The following WDFY4 variants were observed in gnomAD, a reference collection of about 807,000 sequenced individuals.
The protein encoded by WDFY4 is WD repeat- and FYVE domain-containing protein 4.
Under a neutral mutation model 351.9 loss-of-function variants are expected in WDFY4, and 169 were observed. That is an observed-to-expected ratio of 0.48 (90% CI 0.42 to 0.55). WDFY4 has a LOEUF of 0.55. Among genes scored for constraint, WDFY4 ranks in the 20% least tolerant of loss-of-function variants. WDFY4 has a pLI of 0.00. For synonymous variants in WDFY4, 1,622 were observed against 1,574.6 expected (o/e 1.03, Z -0.71); for missense variants, 3,803 against 3,935.6 (o/e 0.97, Z 0.90).
In WDFY4 at chr10:48,917,356, C is replaced by T. The variant is rs185645345; in HGVS notation, c.7586+15493C>T. ...CATTTGAAGGAAAAATGGCTGAAAA[C>T]TTCCAACAGTGATGAAAAAGATAAA... On this transcript the variant is annotated intron_variant, in intron 47 of 61. Coordinates refer to ENST00000325239, the MANE Select transcript of WDFY4 (RefSeq NM_001394531.1). Among the ~76,000 whole-genome samples the T allele has an allele frequency of 1.4e-4, 22 of 152,282 alleles. No homozygotes were observed. The East Asian group carries it at 4.2e-3, about 29-fold the overall frequency.
At chr10:48,725,510 A>G (rs2064239657) in intron 5 of WDFY4, among the ~76,000 whole-genome samples, 1 of 152,204 alleles carries the variant, frequency 6.6e-6, no homozygotes, top group Non-Finnish European at 1.5e-5. Context: ...GTCAACAAGG[A>G]ATTCTGAAAC....
chr10:48,979,292 C>T (rs1377188994), intron 60 of WDFY4, among the ~76,000 whole-genome samples: 1 of 152,184 alleles, frequency 6.6e-6, no homozygotes, highest in Non-Finnish European at 1.5e-5. Flanking sequence ...GAAGTGTGTG[C>T]ATTCTAAGGA....
At chr10:48,957,095 G>A in intron 51 of WDFY4, 34 bp from the exon 52 acceptor site, 1 of 1,538,252 alleles carries the variant, frequency 6.5e-7, no homozygotes, top group South Asian at 1.2e-5. Flanking sequence ...GTGCCAGTGA[G>A]AGCGGCTGGT....
chr10:48,692,828 T>A (rs576664554), intron 1 of WDFY4, among the ~76,000 whole-genome samples: 1 of 152,358 alleles, frequency 6.6e-6, no homozygotes, highest in East Asian at 1.9e-4. Flanking sequence ...TTGTAATTAC[T>A]GAGATCGTAT....
At chr10:48,769,438 T>C (rs544517385) in intron 13 of WDFY4, among the ~76,000 whole-genome samples, 27 of 152,346 alleles carry the variant, frequency 1.8e-4, no homozygotes, top group Non-Finnish European at 3.1e-4. Flanking sequence ...TACAGTCTTT[T>C]GATAAAGAGC....
chr10:48,854,988 A>G (rs571253183), intron 39 of WDFY4, among the ~76,000 whole-genome samples: 3 of 152,266 alleles, frequency 2.0e-5, no homozygotes, highest in Non-Finnish European at 4.4e-5. Flanking sequence ...TGTAATGCTC[A>G]TAATGATTGT....
rs940422794 is a variant in WDFY4 at position 48,719,986 on chromosome 10, G to A, written c.235-25G>A. On this transcript the variant is annotated intron_variant, in intron 2 of 61. Transcript: ENST00000325239. ...CCCTGCTTGTGGCATTGCTATCTCT[G>A]ACCAAGTCCCATCTGTTGCTTCAGG... 2.6e-6 allele frequency: 4 copies of A among 1,547,874 alleles called. No individual in the cohort carries two copies. The African/African-American group carries it at 5.5e-5, about 21-fold the overall frequency.
chr10:48,810,875 A>C (rs951883513), intron 29 of WDFY4, 140 bp downstream of exon 29: 1 of 885,470 alleles, frequency 1.1e-6, no homozygotes, highest in African/African-American at 1.7e-5. Flanking sequence ...TCCAAGGCCT[A>C]CATCCAAATG....
chr10:48,924,044 G>C (rs1258328035), intron 47 of WDFY4, among the ~76,000 whole-genome samples: 1 of 152,210 alleles, frequency 6.6e-6, no homozygotes, highest in Non-Finnish European at 1.5e-5. Context: ...CTCCGTTAAG[G>C]AGCCTCTCTC....
intron 20 of WDFY4, among the ~76,000 whole-genome samples, chr10:48,787,807 CTCT>C (rs1555010319): frequency 0.1 from 7,950 of 76,950 alleles, 917 homozygotes; most frequent in Non-Finnish European, 0.14. Context: ...CCTCCTCCTC[CTCT>C]TCTTCTTCTT....
chr10:48,966,376 G>A lies in WDFY4; in HGVS notation c.8437-150G>A. 4 of 809,134 alleles carry A rather than the reference G, an allele frequency of 4.9e-6. No individual in the cohort carries two copies. The South Asian group carries it at 1.0e-4, about 21-fold the overall frequency. 50.1% of individuals were successfully genotyped at this position (809,134 alleles called of 1,614,324 possible). On this transcript the variant is annotated intron_variant, in intron 54 of 61. Coordinates refer to ENST00000325239, the MANE Select transcript of WDFY4 (RefSeq NM_001394531.1). ...CCCTCATCTGCAGCGTCTGAGGGCT[G>A]GACCAGAGGTTCTGTTCATGTTCAG...
chr10:48,845,630 G>A (rs2068749112), intron 39 of WDFY4, among the ~76,000 whole-genome samples: 1 of 152,120 alleles, frequency 6.6e-6, no homozygotes, highest in African/African-American at 2.4e-5. Context: ...TGGGCCAGGT[G>A]CTGTCTTGGC....
intron 39 of WDFY4, among the ~76,000 whole-genome samples, chr10:48,852,826 C>T (rs1366843837): frequency 6.6e-6 from 1 of 152,208 alleles, no homozygotes; most frequent in African/African-American, 2.4e-5. Context: ...AACCTGAACC[C>T]TCAGTTCCTT....
At chr10:48,793,713 C>A (rs1163739770) in intron 23 of WDFY4, among the ~76,000 whole-genome samples, 2 of 152,110 alleles carry the variant, frequency 1.3e-5, no homozygotes, top group African/African-American at 2.4e-5. Flanking sequence ...TAAGAACATG[C>A]CATAGATAGT....
intron 39 of WDFY4, among the ~76,000 whole-genome samples, chr10:48,858,374 A>G (rs964522512): frequency 6.6e-6 from 1 of 152,174 alleles, no homozygotes; most frequent in African/African-American, 2.4e-5. Context: ...TCTGTGGTCC[A>G]TTTTGAATTA....
chr10:48,938,298 G>T (rs1227658167), intron 47 of WDFY4, among the ~76,000 whole-genome samples: 1 of 152,248 alleles, frequency 6.6e-6, no homozygotes, highest in Non-Finnish European at 1.5e-5. Context: ...GTAGTTGTCT[G>T]CCATATTAGG....
intron 47 of WDFY4, among the ~76,000 whole-genome samples, chr10:48,923,561 A>G (rs973948440): frequency 7.0e-4 from 102 of 144,868 alleles, no homozygotes; most frequent in African/African-American, 2.1e-3. Flanking sequence ...ACCCTATCCC[A>G]TGGGCCTAAA....
chr10:48,853,048 C>T (rs958574161), intron 39 of WDFY4, among the ~76,000 whole-genome samples: 10 of 152,148 alleles, frequency 6.6e-5, no homozygotes, highest in South Asian at 2.1e-4. Context: ...CTCATCTCAC[C>T]GGGCTTCTCT....
chr10:48,868,754 G>A (rs776746590), intron 40 of WDFY4, among the ~76,000 whole-genome samples: 7 of 152,158 alleles, frequency 4.6e-5, no homozygotes, highest in Non-Finnish European at 5.9e-5. Flanking sequence ...TCTGCATCTC[G>A]TCTAGAGTGC....
Sources: gnomAD v4.1 joint callset for allele counts (sites outside exome capture counted in the v4.1 genomes callset) on GRCh38, gnomAD v4.1.1 for gene constraint, MANE v1.5 for transcripts, NCBI Gene and HGNC (gene_info 2026-07-23, HGNC 2026-07-21) for gene names.